ZMYND8: variants seen among roughly 807,000 people sequenced by gnomAD.
ZMYND8 encodes the protein zinc finger MYND-type containing 8, also known as MYND-type zinc finger-containing chromatin reader ZMYND8.
Under a neutral mutation model 140.8 loss-of-function variants are expected in ZMYND8, and 37 were observed. The ratio of observed to expected loss-of-function variants is 0.26; its 90% CI spans 0.20 to 0.35. The LOEUF is 0.35. Ranked by LOEUF, ZMYND8 falls within the 10% of genes least tolerant of loss-of-function variation. The pLI, the probability that ZMYND8 is intolerant of heterozygous loss-of-function variation, is 1.00. For missense variants in ZMYND8, 1,068 were observed against 1,570.0 expected (o/e 0.68, Z 5.40); for synonymous variants, 592 against 597.1 (o/e 0.99, Z 0.12).
intron 2 of ZMYND8, among the ~76,000 whole-genome samples, chr20:47,328,796 C>A (rs1223035070): frequency 6.6e-6 from 1 of 152,196 alleles, no homozygotes; most frequent in East Asian, 1.9e-4. Context: ...CCTTCATTCA[C>A]AAAACATTTA....
At chr20:47,233,975 T>C (rs62201456) in intron 16 of ZMYND8, among the ~76,000 whole-genome samples, 365 of 152,354 alleles carry the variant, frequency 2.4e-3, no homozygotes, top group Middle Eastern at 0.01. Context: ...CCCAATGGAA[T>C]ACAGCAAACG....
At chr20:47,345,069 G>C (rs1050826558) in intron 2 of ZMYND8, among the ~76,000 whole-genome samples, 2 of 152,288 alleles carry the variant, frequency 1.3e-5, no homozygotes, top group African/African-American at 4.8e-5. Context: ...AGTGAGCTTT[G>C]AGCCCAGGAG....
chr20:47,338,007 C>A (rs548371395), intron 2 of ZMYND8, among the ~76,000 whole-genome samples: 1 of 151,966 alleles, frequency 6.6e-6, no homozygotes, highest in Non-Finnish European at 1.5e-5. Context: ...CAATTATTGT[C>A]AGAGTTTCTA....
In ZMYND8 at chr20:47,351,844, G is replaced by A. The variant is rs1050939283; in HGVS notation, c.15-3918C>T. Reference sequence around the variant, plus strand: ...TTCAATAGCTGTAGCTCTTGTTTAAGCAGCCCTGCGAGTTTCAAAGCCACC... The same window carrying A: ...TTCAATAGCTGTAGCTCTTGTTTAAACAGCCCTGCGAGTTTCAAAGCCACC... On this transcript the variant is annotated intron_variant, in intron 1 of 22. Transcript: ENST00000471951. The A allele has an allele frequency of 4.1e-6, 4 of 985,262 alleles. No individual in the cohort carries two copies. In the African/African-American group the frequency reaches 7.0e-5, roughly 17 times the overall value. The allele number at this position is 985,262 out of a possible 1,614,324, so 61.0% of individuals were successfully genotyped here.
chr20:47,323,152 T>C (rs1048640043), intron 2 of ZMYND8, among the ~76,000 whole-genome samples: 4 of 152,152 alleles, frequency 2.6e-5, no homozygotes, highest in Admixed American at 1.3e-4. Flanking sequence ...CAAAGCACCA[T>C]ACTTTATTAC....
At chr20:47,230,802 A>G (rs1601037706) in intron 16 of ZMYND8, among the ~76,000 whole-genome samples, 1 of 152,104 alleles carries the variant, frequency 6.6e-6, no homozygotes, top group East Asian at 1.9e-4. Context: ...TACCCCAAAA[A>G]GAAAATCCCA....
At chr20:47,282,939 G>A (rs1019042400) in intron 9 of ZMYND8, among the ~76,000 whole-genome samples, 26 of 152,166 alleles carry the variant, frequency 1.7e-4, no homozygotes, top group South Asian at 6.2e-4. Flanking sequence ...CTTTATTGAA[G>A]GCTTAGCTAT....
intron 11 of ZMYND8, among the ~76,000 whole-genome samples, chr20:47,274,996 A>AGAGG (rs1036002699): frequency 1.3e-5 from 2 of 152,042 alleles, no homozygotes; most frequent in African/African-American, 4.8e-5. Flanking sequence ...AGTGAGGGAG[A>AGAGG]GAGGGAGGGA....
intron 16 of ZMYND8, among the ~76,000 whole-genome samples, chr20:47,231,879 T>C (rs1235834163): frequency 6.6e-6 from 1 of 152,262 alleles, no homozygotes; most frequent in African/African-American, 2.4e-5. Context: ...AAAGATATCA[T>C]GCATTCATGG....
At position 47,337,458 on chromosome 20, in the gene ZMYND8, C is replaced by T. The variant is rs559989810; in HGVS notation, c.85+10398G>A. On this transcript the variant is annotated intron_variant, in intron 2 of 22. Coordinates refer to ENST00000471951, the MANE Select transcript of ZMYND8 (RefSeq NM_001281775.3). ...GAGGTAGGTGGATCCCTTGAGCCCA[C>T]GAGTTCAAGAGCAGCCTGGGCAACA... 2.1e-4 allele frequency among the ~76,000 whole-genome samples: 32 copies of T among 152,268 alleles called. No homozygotes were observed. The East Asian group carries it at 6.0e-3, about 28-fold the overall frequency.
At chr20:47,303,282 C>CT (rs1298673502) in intron 3 of ZMYND8, among the ~76,000 whole-genome samples, 6 of 151,980 alleles carry the variant, frequency 3.9e-5, no homozygotes, top group Admixed American at 6.6e-5. Flanking sequence ...CCTTCTTTTT[C>CT]TTTTTTTTCA....
intron 21 of ZMYND8, among the ~76,000 whole-genome samples, chr20:47,217,086 A>G (rs1188459722): frequency 6.6e-6 from 1 of 152,168 alleles, no homozygotes; most frequent in Non-Finnish European, 1.5e-5. Context: ...AGGGCCTGGG[A>G]GACTGGGTTG....
At chr20:47,302,359 A>G (rs1438872419) in intron 3 of ZMYND8, among the ~76,000 whole-genome samples, 1 of 152,046 alleles carries the variant, frequency 6.6e-6, no homozygotes, top group Admixed American at 6.6e-5. Context: ...CCTGCTACTC[A>G]GGAGGCTGAG....
chr20:47,333,724 CAAAAAAAAAAAAAAAA>C (rs57968979), intron 2 of ZMYND8, among the ~76,000 whole-genome samples: 88 of 29,748 alleles, frequency 3.0e-3, no homozygotes, highest in Middle Eastern at 0.042. Flanking sequence ...GACTCCGTCT[CAAAAAAAAAAAAAAAA>C]AAAAAAAAAA....
intron 12 of ZMYND8, among the ~76,000 whole-genome samples, chr20:47,260,878 T>C (rs965834333): frequency 1.3e-5 from 2 of 152,234 alleles, no homozygotes; most frequent in Admixed American, 6.5e-5. Context: ...CAGCACATAA[T>C]AGATGTTCAA....
intron 8 of ZMYND8, among the ~76,000 whole-genome samples, 154 bp from the exon 9 acceptor site, chr20:47,283,802 A>G (rs1276290927): frequency 3.9e-5 from 6 of 152,160 alleles, no homozygotes. Context: ...ATCGCTCCCA[A>G]TGCTTCCACC....
intron 11 of ZMYND8, among the ~76,000 whole-genome samples, chr20:47,269,057 G>A (rs1411691987): frequency 6.6e-6 from 1 of 152,088 alleles, no homozygotes; most frequent in African/African-American, 2.4e-5. Flanking sequence ...AAACCAGCCA[G>A]GTGTGTTGGC....
At chr20:47,215,501 AAAC>A (rs1380379552) in intron 21 of ZMYND8, among the ~76,000 whole-genome samples, 2 of 148,828 alleles carry the variant, frequency 1.3e-5, no homozygotes, top group Admixed American at 6.7e-5. Flanking sequence ...GAGACAAATG[AAAC>A]AACTTTTTTT....
At chr20:47,351,282 C>G (rs1033162185) in intron 1 of ZMYND8, among the ~76,000 whole-genome samples, 6 of 151,998 alleles carry the variant, frequency 3.9e-5, no homozygotes, top group Non-Finnish European at 8.8e-5. Flanking sequence ...CTCAACACTT[C>G]CAAGAGAGAG....
Sources: gnomAD v4.1 joint callset for allele counts (sites outside exome capture counted in the v4.1 genomes callset) on GRCh38, gnomAD v4.1.1 for gene constraint, MANE v1.5 for transcripts, NCBI Gene and HGNC (gene_info 2026-07-23, HGNC 2026-07-21) for gene names.